The following GLRA2 variants were observed in gnomAD, a reference collection of about 807,000 sequenced individuals.
GLRA2 encodes the protein glycine receptor alpha 2.
GLRA2 carries 11 observed loss-of-function variants against 31.6 expected under a neutral mutation model. The observed-to-expected ratio is 0.35, with a 90% CI of 0.22 to 0.58. GLRA2 has a LOEUF of 0.58. Among genes scored for constraint, GLRA2 ranks in the 20% least tolerant of loss-of-function variants. The pLI, the probability that GLRA2 is intolerant of heterozygous loss-of-function variation, is 0.84. For synonymous variants in GLRA2, 132 were observed against 134.0 expected (o/e 0.99, Z 0.10); for missense variants, 212 against 351.8 (o/e 0.60, Z 3.18).
At chrX:14,721,372 A>G (rs1288882368) in intron 8 of GLRA2, among the ~76,000 whole-genome samples, 1 of 111,324 alleles carries the variant, frequency 9.0e-6, no homozygotes, top group Non-Finnish European at 1.9e-5. Context: ...TGGATATGTT[A>G]ATTACCTTGA....
intron 4 of GLRA2, among the ~76,000 whole-genome samples, chrX:14,589,525 G>A (rs1290273735): frequency 9.7e-6 from 1 of 103,508 alleles, no homozygotes; most frequent in Non-Finnish European, 2.0e-5. Flanking sequence ...ACAAAAATTA[G>A]CCGGGCATGG....
chrX:14,461,251 G>T, the GLRA2 span, among the ~76,000 whole-genome samples: 11 of 111,761 alleles, frequency 9.8e-5, no homozygotes, highest in African/African-American at 3.2e-4. Context: ...CATTTGCTGA[G>T]GAGTGTTTTG....
At chrX:14,579,990 T>C (rs2089998827) in intron 3 of GLRA2, among the ~76,000 whole-genome samples, 1 of 112,237 alleles carries the variant, frequency 8.9e-6, no homozygotes, top group Non-Finnish European at 1.9e-5. Flanking sequence ...TTTTTTTCCC[T>C]TTTGATCCTG....
chrX:14,519,616 A>G, the GLRA2 span, among the ~76,000 whole-genome samples: 1 of 111,901 alleles, frequency 8.9e-6, no homozygotes, highest in Non-Finnish European at 1.9e-5. Flanking sequence ...CTCTAACAAG[A>G]TTAATTTTAT....
chrX:14,469,028 T>C, the GLRA2 span, among the ~76,000 whole-genome samples: 1 of 111,714 alleles, frequency 9.0e-6, no homozygotes, highest in African/African-American at 3.3e-5. Context: ...TTTTTTCTTA[T>C]AAATTTGTTT....
the GLRA2 span, among the ~76,000 whole-genome samples, chrX:14,523,051 T>C: frequency 8.9e-6 from 1 of 112,219 alleles, no homozygotes; most frequent in African/African-American, 3.2e-5. Flanking sequence ...GGCATCTACT[T>C]CCAATAGAAG....
At chrX:14,595,144 T>C (rs917341453) in intron 4 of GLRA2, among the ~76,000 whole-genome samples, 7 of 111,165 alleles carry the variant, frequency 6.3e-5, no homozygotes, top group Non-Finnish European at 1.1e-4. Context: ...ATTTTCTTAG[T>C]ATGACAGTCT....
At chrX:14,460,759 T>G in the GLRA2 span, among the ~76,000 whole-genome samples, 1 of 111,881 alleles carries the variant, frequency 8.9e-6, no homozygotes, top group Non-Finnish European at 1.9e-5. Flanking sequence ...TCCTCTTTAT[T>G]AGTCTTGCTA....
At chrX:14,457,120 G>C in the GLRA2 span, among the ~76,000 whole-genome samples, 1 of 111,543 alleles carries the variant, frequency 9.0e-6, no homozygotes, top group African/African-American at 3.3e-5. Context: ...GTGATGTTGA[G>C]CTTTTTTTTA....
At chrX:14,566,636 C>T (rs2089810674) in intron 2 of GLRA2, among the ~76,000 whole-genome samples, 1 of 111,692 alleles carries the variant, frequency 9.0e-6, no homozygotes, top group Non-Finnish European at 1.9e-5. Flanking sequence ...TTCTTCTTCC[C>T]ACCTGAATGG....
chrX:14,546,594 G>A (rs1346358090), intron 2 of GLRA2, among the ~76,000 whole-genome samples: 5 of 99,639 alleles, frequency 5.0e-5, no homozygotes, highest in East Asian at 2.9e-4. Context: ...AATTACACAC[G>A]TGGGATTTTT....
At chrX:14,539,690 T>C (rs1307396245) in intron 2 of GLRA2, among the ~76,000 whole-genome samples, 1 of 111,835 alleles carries the variant, frequency 8.9e-6, no homozygotes, top group African/African-American at 3.2e-5. Flanking sequence ...CTCTGTATAC[T>C]CATCCAAAGG....
At position 14,730,311 on chromosome X, in the gene GLRA2, C is replaced by A. The variant is rs1461589025; in HGVS notation, c.1185C>A (p.Asn395Lys). The change falls in exon 9 of 9, where the codon AAC becomes AAA. Residue 395 changes from asparagine to lysine, a missense_variant. Asn to Lys is a moderately conservative substitution (Grantham distance 94). Around this residue, in one of 5 missense-constraint regions of GLRA2, gnomAD observed 42 missense variants for 52.0 expected, o/e 0.81. Coordinates refer to ENST00000218075, the MANE Select transcript of GLRA2 (RefSeq NM_002063.4). ...CAGCTGTCAAGGCCACACCTGCCAACCCACTCCCACAACCGCCAAAAGATG... is the reference window on the plus strand; with the variant it reads ...CAGCTGTCAAGGCCACACCTGCCAAACCACTCCCACAACCGCCAAAAGATG... ...DGTAVKATPA[N>K]PLPQPPKDGD... is the part of the protein sequence containing the mutation. 2.5e-6 allele frequency: 3 copies of A among 1,210,490 alleles called. No individual in the cohort carries two copies. In the East Asian group the frequency reaches 8.9e-5, roughly 36 times the overall value.
chrX:14,728,958 T>A (rs1262830607), intron 8 of GLRA2, among the ~76,000 whole-genome samples: 1 of 112,399 alleles, frequency 8.9e-6, no homozygotes, highest in Admixed American at 9.4e-5. Flanking sequence ...ACTGAAATAG[T>A]TCTTCTCACC....
At chrX:14,517,464 C>CAA in the GLRA2 span, among the ~76,000 whole-genome samples, 141 of 111,804 alleles carry the variant, frequency 1.3e-3, no homozygotes, top group Middle Eastern at 4.6e-3. Context: ...GAAGGGGAAG[C>CAA]AAACATGTCT....
At chrX:14,600,907 A>C (rs1239703222) in intron 4 of GLRA2, among the ~76,000 whole-genome samples, 1 of 110,894 alleles carries the variant, frequency 9.0e-6, no homozygotes, top group African/African-American at 3.3e-5. Flanking sequence ...GAAAAATAGA[A>C]AAAAAATAGA....
At chrX:14,657,075 T>C (rs767075622) in intron 7 of GLRA2, among the ~76,000 whole-genome samples, 3 of 111,928 alleles carry the variant, frequency 2.7e-5, no homozygotes, top group African/African-American at 9.7e-5. Context: ...AAGCTAATGA[T>C]GGTCAAGCGC....
chrX:14,450,261 C>G, the GLRA2 span, among the ~76,000 whole-genome samples: 1 of 112,331 alleles, frequency 8.9e-6, no homozygotes, highest in Non-Finnish European at 1.9e-5. Flanking sequence ...CAGACATACT[C>G]CACAACCTGC....
intron 2 of GLRA2, among the ~76,000 whole-genome samples, chrX:14,570,626 G>A (rs943657957): frequency 4.5e-5 from 5 of 111,358 alleles, no homozygotes; most frequent in Non-Finnish European, 9.4e-5. Flanking sequence ...AGTAGCAGGG[G>A]ATATAATAGT....
Sources: allele counts gnomAD v4.1 joint callset (sites outside exome capture counted in the v4.1 genomes callset), GRCh38; gene constraint gnomAD v4.1.1; regional missense constraint gnomAD v4.1.1; transcripts MANE v1.5; gene names NCBI Gene and HGNC (gene_info 2026-07-23, HGNC 2026-07-21).